Variants in SLC7A11 observed in about 807,000 individuals in gnomAD.
SLC7A11 encodes solute carrier family 7 member 11, also known as cystine/glutamate transporter.
SLC7A11 carries 35 observed loss-of-function variants against 54.5 expected under a neutral mutation model. The ratio of observed to expected loss-of-function variants is 0.64; its 90% CI spans 0.49 to 0.85. SLC7A11 has a LOEUF of 0.85. Ranked by LOEUF, SLC7A11 falls within the 40% of genes least tolerant of loss-of-function variation. SLC7A11 has a pLI of 0.00. For missense variants in SLC7A11, 583 were observed against 618.1 expected (o/e 0.94, Z 0.60); for synonymous variants, 230 against 225.2 (o/e 1.02, Z -0.19).
Position 138,182,320 on chromosome 4 carries a change from G to C in SLC7A11, c.1093C>G (p.Pro365Ala). The C allele has an allele frequency of 6.2e-7, 1 of 1,609,590 alleles. No homozygotes were observed. Among genetic ancestry groups the C allele is most frequent in the Non-Finnish European group, 8.5e-7 (1 of 1,176,290 alleles). Residue 365 changes from proline to alanine, a missense_variant, in exon 9 of 12, where the codon CCT becomes GCT. Coordinates refer to ENST00000280612, the MANE Select transcript of SLC7A11 (RefSeq NM_014331.4). ...ACCAAAACAATAACAGCTGGTAGAG[G>C]AGTGTGCTTGCGGACATGAATCATG... ...LSMIHVRKHT[P>A]LPAVIVLHPL...
In SLC7A11 at chr4:138,170,452, G is replaced by A. The variant is rs1736398755; in HGVS notation, c.*1504C>T. On this transcript the variant is annotated 3_prime_UTR_variant, in exon 12 of 12. Transcript: ENST00000280612. ...CTGCCTCAGCCTCCTCAATAGCTGAGATTACCAGCATGTGCCACCATGCCC... is the reference window on the plus strand; with the variant it reads ...CTGCCTCAGCCTCCTCAATAGCTGAAATTACCAGCATGTGCCACCATGCCC... The A allele has an allele frequency of 6.6e-6, 1 of 151,414 alleles. No individual in the cohort carries two copies. The highest frequency in any genetic ancestry group is 1.5e-5 in the Non-Finnish European group (1 of 67,982). The allele number at this position is 151,414 out of a possible 1,614,324, so 9.4% of individuals were successfully genotyped here. A position where few individuals can be genotyped will look rare whatever the true frequency, so the allele number is the denominator to read the frequency against.
chr4:138,197,172 T>C (rs1401380304), intron 6 of SLC7A11, among the ~76,000 whole-genome samples: 1 of 152,178 alleles, frequency 6.6e-6, no homozygotes, highest in Admixed American at 6.5e-5. Context: ...CAGGATTATA[T>C]ATCCAACTAT....
chr4:138,182,523 A>C, intron 8 of SLC7A11, 130 bp from the exon 9 acceptor site: 1 of 609,034 alleles, frequency 1.6e-6, no homozygotes, highest in East Asian at 2.8e-5. Flanking sequence ...TGATTGCCTA[A>C]GTTCACTTTT....
At chr4:138,208,282 A>C (rs1053846069) in intron 6 of SLC7A11, among the ~76,000 whole-genome samples, 1 of 152,098 alleles carries the variant, frequency 6.6e-6, no homozygotes, top group Non-Finnish European at 1.5e-5. Flanking sequence ...ACTTCCTCTA[A>C]GTCTACTATT....
intron 8 of SLC7A11, among the ~76,000 whole-genome samples, chr4:138,182,614 G>C (rs1182840621): frequency 6.6e-6 from 1 of 152,064 alleles, no homozygotes; most frequent in African/African-American, 2.4e-5. Flanking sequence ...TCTTTGAAGA[G>C]AAAGAATAGC....
chr4:138,199,625 G>A (rs1029420287), intron 6 of SLC7A11, among the ~76,000 whole-genome samples: 5 of 152,070 alleles, frequency 3.3e-5, no homozygotes, highest in African/African-American at 7.2e-5. Flanking sequence ...AAGCAGGGAG[G>A]GAATTCCACC....
intron 5 of SLC7A11, among the ~76,000 whole-genome samples, chr4:138,218,551 G>C (rs571869090): frequency 5.9e-5 from 9 of 152,258 alleles, no homozygotes; most frequent in Non-Finnish European, 1.0e-4. Context: ...TCAAGTATCT[G>C]AACAAATAAG....
At chr4:138,196,685 G>T (rs560170806) in intron 6 of SLC7A11, among the ~76,000 whole-genome samples, 10 of 150,610 alleles carry the variant, frequency 6.6e-5, no homozygotes, top group Non-Finnish European at 1.0e-4. Flanking sequence ...TTTAGACAGA[G>T]CCTCACTCTT....
At chr4:138,182,541 G>T in intron 8 of SLC7A11, 148 bp from the exon 9 acceptor site, 1 of 592,242 alleles carries the variant, frequency 1.7e-6, no homozygotes, top group South Asian at 2.1e-5. Context: ...TTTCAAATAA[G>T]GTGGAGAAAT....
rs528326178 is a variant in SLC7A11, at chr4:138,171,364, T to A, written c.*592A>T. ...AGCCCCTAGAAACTCTTCTTTAATG[T>A]ATTCAACAATCCCCACTGACCTTTG... On this transcript the variant is annotated 3_prime_UTR_variant, in exon 12 of 12. Coordinates refer to ENST00000280612, the MANE Select transcript of SLC7A11 (RefSeq NM_014331.4). 15 of 152,306 alleles carry A rather than the reference T, an allele frequency of 9.8e-5. No homozygotes were observed. Among genetic ancestry groups the A allele is most frequent in the African/African-American group, 3.4e-4 (14 of 41,586 alleles). The allele number at this position is 152,306 out of a possible 1,614,324, so 9.4% of individuals were successfully genotyped here. A position where few individuals can be genotyped will look rare whatever the true frequency, so the allele number is the denominator to read the frequency against.
At position 138,241,925 on chromosome 4, in the gene SLC7A11, C is replaced by A. The variant is rs760924104; in HGVS notation, c.145G>T (p.Gly49Ter). The A allele has an allele frequency of 9.3e-6, 15 of 1,613,858 alleles. No homozygotes were observed. Among genetic ancestry groups the A allele is most frequent in the Non-Finnish European group, 1.3e-5 (15 of 1,179,944 alleles). The change falls in exon 1 of 12, where the codon GGA (glycine) becomes TGA (stop). Residue 49 changes from glycine to a stop codon, truncating the protein, a stop_gained. Transcript: ENST00000280612. LOFTEE classifies it high-confidence loss of function. ...ATGGTGCCAATGATAATGGAGACTC[C>A]CCTCAGTAAAGTGACTTTCCTCTTC... ...QLKRKVTLLR[G>*]VSIIIGTIIG...
chr4:138,175,921 A>G (rs1736560334), intron 11 of SLC7A11: 1 of 152,228 alleles, frequency 6.6e-6, no homozygotes, highest in Admixed American at 6.5e-5. Context: ...AAATGATAAT[A>G]TAAAGGTTTT....
At chr4:138,181,968 T>G (rs531437289) in intron 9 of SLC7A11, among the ~76,000 whole-genome samples, 1 of 152,214 alleles carries the variant, frequency 6.6e-6, no homozygotes, top group African/African-American at 2.4e-5. Flanking sequence ...TTTCCTTAAG[T>G]CATTGGGACT....
At chr4:138,239,132 A>C (rs865933127) in intron 1 of SLC7A11, among the ~76,000 whole-genome samples, 1 of 152,226 alleles carries the variant, frequency 6.6e-6, no homozygotes, top group Non-Finnish European at 1.5e-5. Context: ...AACATTCGCC[A>C]TGTTGGTAGG....
Position 138,165,745 on chromosome 4 carries a change from T to C in SLC7A11, c.*6211A>G, listed in dbSNP as rs946506055. 2.6e-5 allele frequency: 4 copies of C among 152,150 alleles called. No homozygotes were observed. The highest frequency in any genetic ancestry group is 4.8e-5 in the African/African-American group (2 of 41,444). The allele number at this position is 152,150 out of a possible 1,614,324, so 9.4% of individuals were successfully genotyped here. A position where few individuals can be genotyped will look rare whatever the true frequency, so the allele number is the denominator to read the frequency against. The stretch of plus-strand genomic sequence containing the variant: ...TAAAGTGTTGTTTCCTTTCTGAACA[T>C]GAATAACATCAAAGGAAGAACCCAG... On this transcript the variant is annotated 3_prime_UTR_variant, in exon 12 of 12. Transcript: ENST00000280612.
chr4:138,237,723 ATATATATATATATATTTTTTTTTT>A (rs1194991409), intron 1 of SLC7A11, among the ~76,000 whole-genome samples: 36 of 7,870 alleles, frequency 4.6e-3, no homozygotes, highest in African/African-American at 0.015. Flanking sequence ...ATATATATAT[ATATATATATATATATTTTTTTTTT>A]TTTTTTTTTT....
chr4:138,238,074 A>T (rs1332699261), intron 1 of SLC7A11, among the ~76,000 whole-genome samples: 1 of 152,042 alleles, frequency 6.6e-6, no homozygotes, highest in Non-Finnish European at 1.5e-5. Context: ...TTTTAAAATG[A>T]GGTGCTATAA....
chr4:138,234,558 A>G (rs1295087311), intron 2 of SLC7A11, among the ~76,000 whole-genome samples: 2 of 148,210 alleles, frequency 1.3e-5, no homozygotes, highest in African/African-American at 4.9e-5. Context: ...ACACAGAGAA[A>G]AGTAGTTTTT....
intron 8 of SLC7A11, among the ~76,000 whole-genome samples, chr4:138,182,712 A>G (rs1276695770): frequency 6.6e-6 from 1 of 152,084 alleles, no homozygotes; most frequent in African/African-American, 2.4e-5. Flanking sequence ...GTGTGTTGTC[A>G]ATCCAATTCA....
Sources: gnomAD v4.1 joint callset for allele counts (sites outside exome capture counted in the v4.1 genomes callset) on GRCh38, gnomAD v4.1.1 for gene constraint, MANE v1.5 for transcripts, NCBI Gene and HGNC (gene_info 2026-07-23, HGNC 2026-07-21) for gene names.